NRXN3: variants seen among roughly 807,000 people sequenced by gnomAD.
The protein encoded by NRXN3 is neurexin 3, also known as neurexin III.
Under a neutral mutation model 137.6 loss-of-function variants are expected in NRXN3, and 32 were observed. The observed-to-expected ratio is 0.23, with a 90% CI of 0.18 to 0.31. The LOEUF (loss-of-function observed/expected upper bound fraction) is 0.31. Ranked by LOEUF, NRXN3 falls within the 10% of genes least tolerant of loss-of-function variation. The pLI, the probability that NRXN3 is intolerant of heterozygous loss-of-function variation, is 1.00. For missense variants in NRXN3, 1,574 were observed against 2,062.5 expected (o/e 0.76, Z 4.59); for synonymous variants, 798 against 784.5 (o/e 1.02, Z -0.29).
chr14:79,713,164 CTTTTTT>C lies in NRXN3; in HGVS notation c.4014+15248_4014+15253del, dbSNP rs574716352. Reference sequence around the variant, plus strand: ...AATTCCTTGACTGCACTGATTTTTACTTTTTTTTTTTTTTTTTTTTTTTTTTACCCT... The same window carrying C: ...AATTCCTTGACTGCACTGATTTTTACTTTTTTTTTTTTTTTTTTTTACCCT... On this transcript the variant is annotated intron_variant, in intron 19 of 20. Coordinates refer to ENST00000335750, the MANE Select transcript of NRXN3 (RefSeq NM_001330195.2). 3.0e-4 allele frequency among the ~76,000 whole-genome samples: 24 copies of C among 80,894 alleles called. No homozygotes were observed. In the East Asian group the frequency reaches 6.6e-3, roughly 22 times the overall value. 53.1% of individuals were successfully genotyped at this position (80,894 alleles called of 152,430 possible).
At chr14:79,513,292 G>A (rs2153692548) in intron 16 of NRXN3, among the ~76,000 whole-genome samples, 1 of 134,486 alleles carries the variant, frequency 7.4e-6, no homozygotes, top group Middle Eastern at 3.7e-3. Context: ...TTATTTGTTG[G>A]TTTTATGTAT....
rs148154514 is a variant in NRXN3, at chr14:79,567,969, T to C, written c.3445-95809T>C. ...ACTTAGGGGCTTATAAGTAGATCCC[T>C]CTAAGGATCTATCCTATTCTGGAGC... On this transcript the variant is annotated intron_variant, in intron 16 of 20. Coordinates refer to ENST00000335750, the MANE Select transcript of NRXN3 (RefSeq NM_001330195.2). Among the ~76,000 whole-genome samples the C allele has an allele frequency of 6.3e-3, 959 of 152,258 alleles. 12 individuals are homozygous for C. The highest frequency in any genetic ancestry group is 0.037 in the Middle Eastern group (11 of 294).
At chr14:79,091,166 A>ATT (rs11442142) in intron 15 of NRXN3, among the ~76,000 whole-genome samples, 1 of 149,882 alleles carries the variant, frequency 6.7e-6, no homozygotes, top group African/African-American at 2.4e-5. Context: ...GATCAATTTC[A>ATT]TTTTTTTTTG....
chr14:78,286,659 G>A (rs907343719), intron 3 of NRXN3, among the ~76,000 whole-genome samples: 3 of 152,132 alleles, frequency 2.0e-5, no homozygotes, highest in Non-Finnish European at 4.4e-5. Context: ...CAGGTGGTCC[G>A]CTAATGCTGC....
At position 79,674,566 on chromosome 14, in the gene NRXN3, ACAACCT is replaced by A. The variant is rs563556022; in HGVS notation, c.3616+10618_3616+10623del. Among the ~76,000 whole-genome samples the A allele has an allele frequency of 3.9e-5, 6 of 152,072 alleles. No homozygotes were observed. In the South Asian group the frequency reaches 1.2e-3, roughly 32 times the overall value. On this transcript the variant is annotated intron_variant, in intron 17 of 20. Coordinates refer to ENST00000335750, the MANE Select transcript of NRXN3 (RefSeq NM_001330195.2). Reference sequence around the variant, plus strand: ...GATATGTTTGCCCTCATTTGCCCTCACAACCTAATACCCAGGTTGCCCACTCCACTT... The same window carrying A: ...GATATGTTTGCCCTCATTTGCCCTCAAATACCCAGGTTGCCCACTCCACTT...
chr14:79,541,604 G>GA (rs2097273476), intron 16 of NRXN3, among the ~76,000 whole-genome samples: 1 of 152,182 alleles, frequency 6.6e-6, no homozygotes, highest in Non-Finnish European at 1.5e-5. Flanking sequence ...GATGAGGTAG[G>GA]AAAGAGGCAG....
intron 19 of NRXN3, among the ~76,000 whole-genome samples, chr14:79,797,876 T>C (rs2099165719): frequency 6.6e-6 from 1 of 152,092 alleles, no homozygotes; most frequent in Non-Finnish European, 1.5e-5. Flanking sequence ...GTGACTCGCT[T>C]CAGCCCAGGG....
chr14:79,030,130 C>T (rs950029611), intron 15 of NRXN3, among the ~76,000 whole-genome samples: 2 of 150,684 alleles, frequency 1.3e-5, no homozygotes, highest in African/African-American at 4.9e-5. Context: ...GACCCACCTG[C>T]CTCAGCCTCC....
chr14:78,763,344 TTTCA>T (rs199708164), intron 8 of NRXN3, among the ~76,000 whole-genome samples: 2,142 of 152,266 alleles, frequency 0.014, 56 homozygotes, highest in African/African-American at 0.049. Flanking sequence ...CTTTCTGAGG[TTTCA>T]TTCCCCAGAT....
intron 15 of NRXN3, among the ~76,000 whole-genome samples, chr14:79,080,868 G>C (rs563220923): frequency 5.7e-4 from 87 of 152,238 alleles, no homozygotes; most frequent in South Asian, 1.0e-3. Context: ...GATTGATGAA[G>C]ATTTAGTGGT....
intron 15 of NRXN3, among the ~76,000 whole-genome samples, chr14:79,272,224 T>TA: frequency 6.6e-6 from 1 of 151,696 alleles, no homozygotes; most frequent in Non-Finnish European, 1.5e-5. Flanking sequence ...AGGTTTTTTT[T>TA]TTTTTTTTTC....
chr14:79,638,152 C>G (rs899707769), intron 16 of NRXN3, among the ~76,000 whole-genome samples: 2 of 152,168 alleles, frequency 1.3e-5, no homozygotes, highest in Non-Finnish European at 2.9e-5. Flanking sequence ...CCCCCATGCC[C>G]CTCCTTTCTA....
chr14:79,447,845 A>G (rs951358377), intron 15 of NRXN3, among the ~76,000 whole-genome samples: 1 of 152,168 alleles, frequency 6.6e-6, no homozygotes, highest in Admixed American at 6.5e-5. Context: ...TGGGCTTCCA[A>G]GTGTTTCTGG....
chr14:79,539,297 G>A (rs112268386), intron 16 of NRXN3, among the ~76,000 whole-genome samples: 2 of 152,222 alleles, frequency 1.3e-5, no homozygotes, highest in African/African-American at 4.8e-5. Context: ...GCCTCCCAAA[G>A]TGCTGGGACT....
In NRXN3 at chr14:78,243,727, A is replaced by C; in HGVS notation, c.634A>C (p.Ile212Leu). The change falls in exon 2 of 21, where the codon ATC becomes CTC. Residue 212 changes from isoleucine (I) to leucine (L), a missense_variant. Around this residue, in one of 5 missense-constraint regions of NRXN3, gnomAD observed 400 missense variants for 527.3 expected, o/e 0.76. Coordinates refer to ENST00000335750, the MANE Select transcript of NRXN3 (RefSeq NM_001330195.2). This position sits in a 1 kb window ranked among gnomAD's most constrained non-coding sequence, Gnocchi z 4.2. ...TGAGCGTCCCTGTGAAAATGGTGGGATCTGCTTTCTCCTGGACGGCCACCC... is the reference window on the plus strand; with the variant it reads ...TGAGCGTCCCTGTGAAAATGGTGGGCTCTGCTTTCTCCTGGACGGCCACCC... ...CGERPCENGG[I>L]CFLLDGHPTC... 3 of 1,598,270 alleles carry C rather than the reference A, an allele frequency of 1.9e-6. No homozygotes were observed. The highest frequency in any genetic ancestry group is 2.5e-6 in the Non-Finnish European group (3 of 1,179,754).
At chr14:79,634,056 C>T (rs1001118844) in intron 16 of NRXN3, among the ~76,000 whole-genome samples, 7 of 152,038 alleles carry the variant, frequency 4.6e-5, no homozygotes, top group African/African-American at 9.7e-5. Context: ...GCTATCCTCA[C>T]GAAAGAGTGT....
At chr14:78,673,276 A>C (rs2097956514) in intron 6 of NRXN3, among the ~76,000 whole-genome samples, 1 of 152,184 alleles carries the variant, frequency 6.6e-6, no homozygotes, top group African/African-American at 2.4e-5. Context: ...CATTCTTTGG[A>C]ATGTCTCACA....
intron 10 of NRXN3, among the ~76,000 whole-genome samples, chr14:78,948,559 G>T (rs1183362415): frequency 1.3e-5 from 2 of 151,882 alleles, no homozygotes; most frequent in Non-Finnish European, 2.9e-5. Flanking sequence ...CGTGATGCAG[G>T]GTCTGCTGGA....
intron 10 of NRXN3, among the ~76,000 whole-genome samples, chr14:78,880,678 A>G (rs960303143): frequency 3.9e-5 from 6 of 152,168 alleles, no homozygotes; most frequent in African/African-American, 1.2e-4. Flanking sequence ...TTACATTATA[A>G]GGAATATATA....
Sources: allele counts gnomAD v4.1 joint callset (sites outside exome capture counted in the v4.1 genomes callset), GRCh38; gene constraint gnomAD v4.1.1; regional missense constraint gnomAD v4.1.1; non-coding constraint Gnocchi (gnomAD v3.1); transcripts MANE v1.5; gene names NCBI Gene and HGNC (gene_info 2026-07-23, HGNC 2026-07-21).